The following OTUD3 variants were observed in gnomAD, a reference collection of about 807,000 sequenced individuals.
OTUD3 encodes the protein OTU deubiquitinase 3, also known as OTU domain-containing protein 3.
A neutral mutation model predicts 46.2 loss-of-function variants in OTUD3; 24 were observed. The observed-to-expected ratio is 0.52, with a 90% CI of 0.38 to 0.73. OTUD3 has a LOEUF of 0.73. Among genes scored for constraint, OTUD3 ranks in the 30% least tolerant of loss-of-function variants. OTUD3 has a pLI of 0.00. For synonymous variants in OTUD3, 189 were observed against 195.4 expected (o/e 0.97, Z 0.27); for missense variants, 455 against 523.3 (o/e 0.87, Z 1.27).
At chr1:19,907,548 C>G in intron 7 of OTUD3, 22 bp from the exon 8 acceptor site, 1 of 1,612,460 alleles carries the variant, frequency 6.2e-7, no homozygotes, top group Admixed American at 1.7e-5. Flanking sequence ...TTCCTACTCA[C>G]CACCATGGCC....
intron 4 of OTUD3, among the ~76,000 whole-genome samples, chr1:19,903,532 A>G (rs868606367): frequency 2.0e-5 from 3 of 152,108 alleles, no homozygotes; most frequent in South Asian, 2.1e-4. Context: ...ATATGTTTAC[A>G]TTCAAAAAAT....
intron 4 of OTUD3, among the ~76,000 whole-genome samples, chr1:19,898,458 GT>G (rs989247677): frequency 5.4e-4 from 82 of 151,970 alleles, no homozygotes; most frequent in African/African-American, 1.9e-3. Context: ...GCCGGGCGTG[GT>G]GGCTCACACC....
At chr1:19,894,767 G>T (rs114931930) in intron 3 of OTUD3, among the ~76,000 whole-genome samples, 216 of 152,332 alleles carry the variant, frequency 1.4e-3, no homozygotes, top group African/African-American at 5.0e-3. Context: ...AACACAGGCT[G>T]TCACCCCCTA....
chr1:19,895,963 C>T (rs2045511992), intron 3 of OTUD3, among the ~76,000 whole-genome samples: 1 of 152,114 alleles, frequency 6.6e-6, no homozygotes, highest in Non-Finnish European at 1.5e-5. Context: ...TTGTGGAAGA[C>T]ATTTCTGCAT....
rs2045277037 is a variant in OTUD3 at position 19,882,409 on chromosome 1, G to T, written c.-105G>T. 56 of 1,298,538 alleles carry T rather than the reference G, an allele frequency of 4.3e-5. No homozygotes were observed. In the South Asian group the frequency reaches 1.2e-3, roughly 29 times the overall value. The allele number at this position is 1,298,538 out of a possible 1,614,324, so 80.4% of individuals were successfully genotyped here. A position where few individuals can be genotyped will look rare whatever the true frequency, so the allele number is the denominator to read the frequency against. On this transcript the variant is annotated 5_prime_UTR_variant, in exon 1 of 8. Coordinates refer to ENST00000375120, the MANE Select transcript of OTUD3 (RefSeq NM_015207.2). ...CAGGCGCGGTTGCTGCGTAGTCGTC[G>T]CCGGGCTCCGTTGCCCGCGCTGTTT... is the stretch of plus-strand genomic sequence containing the variant.
At chr1:19,885,558 A>G (rs1283986481) in intron 1 of OTUD3, among the ~76,000 whole-genome samples, 2 of 152,076 alleles carry the variant, frequency 1.3e-5, no homozygotes, top group Non-Finnish European at 1.5e-5. Flanking sequence ...GGTTCAAACA[A>G]TTCTCTTGCC....
chr1:19,888,193 C>T (rs1210217984), intron 1 of OTUD3, among the ~76,000 whole-genome samples: 2 of 152,206 alleles, frequency 1.3e-5, no homozygotes, highest in South Asian at 4.1e-4. Flanking sequence ...TCCTAAACTT[C>T]CTACAGTGCA....
intron 1 of OTUD3, among the ~76,000 whole-genome samples, chr1:19,888,381 C>A (rs555742715): frequency 6.6e-6 from 1 of 152,106 alleles, no homozygotes; most frequent in Admixed American, 6.5e-5. Context: ...TTATTGGGCT[C>A]ACCTAAGGAA....
chr1:19,911,711 C>T lies in OTUD3; in HGVS notation c.*3965C>T, dbSNP rs371681119. The T allele has an allele frequency of 2.6e-5, 4 of 152,186 alleles. No individual in the cohort carries two copies. In the East Asian group the frequency reaches 5.6e-4, roughly 21 times the overall value. The allele number at this position is 152,186 out of a possible 1,614,324, so 9.4% of individuals were successfully genotyped here. A position where few individuals can be genotyped will look rare whatever the true frequency, so the allele number is the denominator to read the frequency against. ...CCAGTAAATTGTATTTTTTTAATGA[C>T]ATCATTGATTTGAAGATCTAGATGG... On this transcript the variant is annotated 3_prime_UTR_variant, in exon 8 of 8. Coordinates refer to ENST00000375120, the MANE Select transcript of OTUD3 (RefSeq NM_015207.2).
intron 2 of OTUD3, among the ~76,000 whole-genome samples, chr1:19,890,897 T>C (rs1246698569): frequency 6.6e-6 from 1 of 152,186 alleles, no homozygotes; most frequent in Admixed American, 6.5e-5. Context: ...ACATTTTGTT[T>C]GTTAATTCTT....
At chr1:19,888,373 A>G (rs997214797) in intron 1 of OTUD3, among the ~76,000 whole-genome samples, 1 of 152,158 alleles carries the variant, frequency 6.6e-6, no homozygotes, top group South Asian at 2.1e-4. Context: ...GAGTGCTCTT[A>G]TTGGGCTCAC....
chr1:19,902,523 A>G (rs2045605008), intron 4 of OTUD3, among the ~76,000 whole-genome samples: 1 of 152,080 alleles, frequency 6.6e-6, no homozygotes. Flanking sequence ...AAAGTTTTGA[A>G]TTGCATTTTC....
intron 1 of OTUD3, among the ~76,000 whole-genome samples, chr1:19,888,037 C>G (rs545139389): frequency 3.3e-5 from 5 of 152,046 alleles, no homozygotes; most frequent in Admixed American, 3.3e-4. Context: ...GCCATATATC[C>G]CTATAACACA....
At chr1:19,899,111 A>G (rs760273988) in intron 4 of OTUD3, among the ~76,000 whole-genome samples, 29 of 152,120 alleles carry the variant, frequency 1.9e-4, no homozygotes, top group Non-Finnish European at 3.5e-4. Flanking sequence ...GTGCCTGGCA[A>G]TTTTAATTCT....
intron 3 of OTUD3, among the ~76,000 whole-genome samples, chr1:19,896,494 T>C (rs1274319810): frequency 1.3e-5 from 2 of 152,212 alleles, no homozygotes; most frequent in Non-Finnish European, 2.9e-5. Flanking sequence ...CTATTTTGTA[T>C]GTGTCTAAAC....
In OTUD3 at chr1:19,883,921, A is replaced by G. The variant is rs543602432; in HGVS notation, c.221+1187A>G. Among the ~76,000 whole-genome samples, 736 of 152,270 alleles carry G rather than the reference A, an allele frequency of 4.8e-3. 3 individuals are homozygous for G. Among genetic ancestry groups the G allele is most frequent in the Non-Finnish European group, 7.6e-3 (518 of 68,014 alleles). On this transcript the variant is annotated intron_variant, in intron 1 of 7. Transcript: ENST00000375120. ...TGTTTATGCTCATTGCTTCAGGCAG[A>G]TTGGATTTCTTTTTGCTCACAAAGA... is the stretch of plus-strand genomic sequence containing the variant.
Position 19,909,481 on chromosome 1 carries a change from A to C in OTUD3, c.*1735A>C, listed in dbSNP as rs2045707385. The C allele has an allele frequency of 2.6e-5, 4 of 152,384 alleles. No homozygotes were observed. The highest frequency in any genetic ancestry group is 9.6e-5 in the African/African-American group (4 of 41,462). The allele number at this position is 152,384 out of a possible 1,614,324, so 9.4% of individuals were successfully genotyped here. A position where few individuals can be genotyped will look rare whatever the true frequency, so the allele number is the denominator to read the frequency against. On this transcript the variant is annotated 3_prime_UTR_variant, in exon 8 of 8. Coordinates refer to ENST00000375120, the MANE Select transcript of OTUD3 (RefSeq NM_015207.2). ...TTACTCTACTCATTCCAAACGAATG[A>C]AAGATCTCTGTTGCCTTACTCTAAG... is the stretch of plus-strand genomic sequence containing the variant.
At chr1:19,892,407 T>C (rs772252214) in intron 2 of OTUD3, among the ~76,000 whole-genome samples, 9 of 152,182 alleles carry the variant, frequency 5.9e-5, no homozygotes, top group Non-Finnish European at 1.2e-4. Context: ...CTGTGTGTCT[T>C]TGTTTTGCGG....
intron 2 of OTUD3, 145 bp downstream of exon 2, chr1:19,890,678 G>T: frequency 2.6e-6 from 2 of 781,208 alleles, no homozygotes; most frequent in Non-Finnish European, 2.1e-6. Context: ...TTGCCTACTT[G>T]GTTATCGGCA....
Sources: allele counts gnomAD v4.1 joint callset (sites outside exome capture counted in the v4.1 genomes callset), GRCh38; gene constraint gnomAD v4.1.1; transcripts MANE v1.5; gene names NCBI Gene and HGNC (gene_info 2026-07-23, HGNC 2026-07-21).